DOCK3: variants seen among roughly 807,000 people sequenced by gnomAD.
The protein encoded by DOCK3 is dedicator of cytokinesis protein 3.
Under a neutral mutation model 265.6 loss-of-function variants are expected in DOCK3, and 60 were observed. The ratio of observed to expected loss-of-function variants is 0.23; its 90% confidence interval spans 0.18 to 0.28. The LOEUF (loss-of-function observed/expected upper bound fraction) is 0.28. Ranked by LOEUF, DOCK3 falls within the 10% of genes least tolerant of loss-of-function variation. The pLI is 1.00. For missense variants in DOCK3, 1,981 were observed against 2,594.3 expected (o/e 0.76, Z 5.14); for synonymous variants, 881 against 938.0 (o/e 0.94, Z 1.11).
At chr3:51,170,538 G>C (rs1257136703) in intron 12 of DOCK3, among the ~76,000 whole-genome samples, 1 of 152,034 alleles carries the variant, frequency 6.6e-6, no homozygotes, top group Non-Finnish European at 1.5e-5. Flanking sequence ...ATTGTACATA[G>C]AAGTTTGTTA....
intron 2 of DOCK3, among the ~76,000 whole-genome samples, chr3:50,799,530 G>A (rs755435405): frequency 9.2e-5 from 14 of 151,956 alleles, no homozygotes; most frequent in Non-Finnish European, 1.6e-4. Context: ...CTGTATAGAA[G>A]TGATACTGAT....
chr3:51,065,962 TAAAAC>T (rs2081577143), intron 6 of DOCK3, among the ~76,000 whole-genome samples: 1 of 152,242 alleles, frequency 6.6e-6, no homozygotes, highest in South Asian at 2.1e-4. Flanking sequence ...TAAAGTACTT[TAAAAC>T]AAAACAAAAC....
intron 5 of DOCK3, among the ~76,000 whole-genome samples, chr3:50,940,289 C>CAAAAAAA (rs34253657): frequency 8.5e-6 from 1 of 117,360 alleles, no homozygotes; most frequent in African/African-American, 3.2e-5. Context: ...CCATTTCTAC[C>CAAAAAAA]AAAAAAAAAA....
intron 5 of DOCK3, among the ~76,000 whole-genome samples, chr3:50,972,247 G>A (rs2077260848): frequency 6.6e-6 from 1 of 152,238 alleles, no homozygotes; most frequent in South Asian, 2.1e-4. Context: ...TGGGGATGCT[G>A]CTGCCCCCTA....
chr3:51,206,693 G>C (rs1560209864), intron 12 of DOCK3, among the ~76,000 whole-genome samples: 1 of 152,174 alleles, frequency 6.6e-6, no homozygotes, highest in African/African-American at 2.4e-5. Context: ...TGCCTTAAAT[G>C]ACTTGCTGAA....
intron 9 of DOCK3, among the ~76,000 whole-genome samples, chr3:51,106,752 A>G (rs1471036160): frequency 6.6e-6 from 1 of 152,208 alleles, no homozygotes. Context: ...ACCATTGTGC[A>G]AATGTGAGCA....
intron 3 of DOCK3, chr3:50,877,760 G>A (rs200895751): frequency 1.7e-5 from 5 of 292,990 alleles, no homozygotes; most frequent in Non-Finnish European, 2.7e-5. Flanking sequence ...TGCAACCTCC[G>A]CCTCCTGGGT....
chr3:50,688,429 C>T (rs150987886), intron 1 of DOCK3, among the ~76,000 whole-genome samples: 3 of 152,080 alleles, frequency 2.0e-5, no homozygotes, highest in African/African-American at 7.2e-5. Flanking sequence ...GCAATGAACC[C>T]GTAATTTAAG....
chr3:51,115,767 A>G (rs1384860612), intron 9 of DOCK3, among the ~76,000 whole-genome samples: 1 of 152,106 alleles, frequency 6.6e-6, no homozygotes, highest in Non-Finnish European at 1.5e-5. Context: ...TAGGGTTTTT[A>G]TGGTTTTAGG....
chr3:51,346,368 C>T (rs1310895662), intron 38 of DOCK3, among the ~76,000 whole-genome samples: 4 of 151,688 alleles, frequency 2.6e-5, no homozygotes, highest in African/African-American at 9.7e-5. Flanking sequence ...CAGTTCCCAC[C>T]TATGAGTGAG....
intron 19 of DOCK3, among the ~76,000 whole-genome samples, chr3:51,233,423 T>G (rs2078223677): frequency 1.3e-5 from 2 of 152,118 alleles, no homozygotes; most frequent in South Asian, 4.1e-4. Context: ...TGGAGTACAA[T>G]GGCGTGATCT....
chr3:51,123,111 G>C (rs529314318), intron 9 of DOCK3, among the ~76,000 whole-genome samples: 1 of 152,116 alleles, frequency 6.6e-6, no homozygotes, highest in Non-Finnish European at 1.5e-5. Flanking sequence ...ACCAGGGTGT[G>C]GTCAGCCATA....
intron 1 of DOCK3, among the ~76,000 whole-genome samples, chr3:50,688,063 G>T (rs946093851): frequency 6.6e-6 from 1 of 152,124 alleles, no homozygotes; most frequent in Non-Finnish European, 1.5e-5. Context: ...GCCGAAAGAG[G>T]AACATGTGCC....
chr3:50,776,142 T>C (rs1181743066), intron 1 of DOCK3, among the ~76,000 whole-genome samples: 1 of 152,194 alleles, frequency 6.6e-6, no homozygotes, highest in East Asian at 1.9e-4. Flanking sequence ...GATCTATTTT[T>C]AATTCTTTAA....
chr3:51,017,818 C>T (rs1367427832), intron 5 of DOCK3, among the ~76,000 whole-genome samples: 1 of 151,844 alleles, frequency 6.6e-6, no homozygotes. Flanking sequence ...TAGGCACTGC[C>T]AAACAGCTTT....
chr3:50,821,395 G>A (rs2106923787), intron 2 of DOCK3, among the ~76,000 whole-genome samples: 1 of 151,984 alleles, frequency 6.6e-6, no homozygotes, highest in South Asian at 2.1e-4. Context: ...CGCCTCCCGG[G>A]TTCACGCCAT....
chr3:51,152,850 G>T (rs2085670314), intron 10 of DOCK3, among the ~76,000 whole-genome samples: 1 of 152,188 alleles, frequency 6.6e-6, no homozygotes, highest in Non-Finnish European at 1.5e-5. Context: ...AAATATTGCT[G>T]CCTGATCCTT....
intron 7 of DOCK3, among the ~76,000 whole-genome samples, chr3:51,088,430 A>G (rs2082511742): frequency 6.6e-6 from 1 of 152,240 alleles, no homozygotes; most frequent in Non-Finnish European, 1.5e-5. Flanking sequence ...TGTTCCCAAC[A>G]GAAAGAAATG....
chr3:51,332,128 A>C (rs1329853008), intron 33 of DOCK3, among the ~76,000 whole-genome samples: 1 of 152,230 alleles, frequency 6.6e-6, no homozygotes, highest in Non-Finnish European at 1.5e-5. Flanking sequence ...TTGAGTCCCC[A>C]GTGCTAGACC....
Sources: allele counts gnomAD v4.1 joint callset (sites outside exome capture counted in the v4.1 genomes callset), GRCh38; gene constraint gnomAD v4.1.1; transcripts MANE v1.5; gene names NCBI Gene and HGNC (gene_info 2026-07-23, HGNC 2026-07-21).